Variants in CHP1 observed in about 807,000 individuals in gnomAD.
CHP1 encodes calcineurin like EF-hand protein 1.
A neutral mutation model predicts 27.4 loss-of-function variants in CHP1; 11 were observed. The observed-to-expected ratio is 0.40, with a 90% CI of 0.25 to 0.67. CHP1 has a LOEUF of 0.67. CHP1 is among the 30% of genes least tolerant of loss of function. The probability of loss-of-function intolerance (pLI) is 0.38; values close to 1 mark genes in which losing one functional copy is unlikely to be tolerated. For missense variants in CHP1, 169 were observed against 251.3 expected, an observed-to-expected ratio of 0.67 and a Z score of 2.22; for synonymous variants, 89 against 87.4, an observed-to-expected ratio of 1.02 and a Z score of -0.10.
intron 2 of CHP1, among the ~76,000 whole-genome samples, chr15:41,246,887 C>CA (rs1245122242): frequency 6.7e-5 from 10 of 149,296 alleles, no homozygotes; most frequent in African/African-American, 2.5e-4. Context: ...GACTCCATCT[C>CA]AAAAAATTAA....
At chr15:41,262,971 T>C (rs1395561293) in intron 4 of CHP1, 88 bp downstream of exon 4, 11 of 1,519,352 alleles carry the variant, frequency 7.2e-6, no homozygotes, top group African/African-American at 2.8e-5. Flanking sequence ...TGAACAAGCA[T>C]CTACAAGAGC....
In CHP1 at chr15:41,262,865, C is replaced by T. The variant is rs2047440626; in HGVS notation, c.331C>T (p.Arg111Ter). 1.9e-6 allele frequency: 3 copies of T among 1,613,960 alleles called. No individual in the cohort carries two copies. Among genetic ancestry groups the T allele is most frequent in the Non-Finnish European group, 2.5e-6 (3 of 1,179,966 alleles). The change falls in exon 4 of 7, where the codon CGA becomes TGA. Residue 111 changes from arginine to a stop codon, truncating the protein, a stop_gained. Coordinates refer to ENST00000334660, the MANE Select transcript of CHP1 (RefSeq NM_007236.5). LOFTEE classifies it high-confidence loss of function. Reference sequence around the variant, plus strand: ...GAATGGACCCGAACCACTCAACAGCCGAAGCAACAAACTGCACTGTAAGGA... The same window carrying T: ...GAATGGACCCGAACCACTCAACAGCTGAAGCAACAAACTGCACTGTAAGGA... ...DVNGPEPLNS[R>*]SNKLHFAFRL...
At chr15:41,241,583 A>G (rs990923534) in intron 1 of CHP1, among the ~76,000 whole-genome samples, 1 of 152,212 alleles carries the variant, frequency 6.6e-6, no homozygotes, top group Non-Finnish European at 1.5e-5. Flanking sequence ...AACAGTCCAC[A>G]ACTGTCTCCT....
intron 4 of CHP1, among the ~76,000 whole-genome samples, chr15:41,263,125 G>T (rs1474378443): frequency 2.6e-5 from 4 of 152,128 alleles, no homozygotes; most frequent in Non-Finnish European, 5.9e-5. Context: ...ATACTAAGGG[G>T]TTCCACATTG....
intron 4 of CHP1, among the ~76,000 whole-genome samples, chr15:41,263,252 C>G (rs900729314): frequency 6.6e-6 from 1 of 152,160 alleles, no homozygotes; most frequent in Non-Finnish European, 1.5e-5. Flanking sequence ...GAGCACCTAC[C>G]GTGTGCCAGG....
chr15:41,259,118 C>G (rs1409929940), intron 3 of CHP1, among the ~76,000 whole-genome samples: 1 of 151,988 alleles, frequency 6.6e-6, no homozygotes, highest in Non-Finnish European at 1.5e-5. Flanking sequence ...TTCCTTTTTT[C>G]TAATTCCTCT....
At chr15:41,233,489 AGT>A (rs968252549) in intron 1 of CHP1, among the ~76,000 whole-genome samples, 17 of 152,210 alleles carry the variant, frequency 1.1e-4, no homozygotes, top group Non-Finnish European at 1.9e-4. Flanking sequence ...ATTGCCAAAG[AGT>A]GAGTCACTTG....
chr15:41,249,988 G>C (rs1434694849), intron 2 of CHP1, among the ~76,000 whole-genome samples: 3 of 151,698 alleles, frequency 2.0e-5, no homozygotes, highest in African/African-American at 7.3e-5. Flanking sequence ...AACTGTGGAA[G>C]GCTTTGGTTA....
intron 5 of CHP1, 151 bp from the exon 6 acceptor site, chr15:41,278,616 C>T (rs2047531049): frequency 1.4e-5 from 12 of 830,408 alleles, no homozygotes; most frequent in Admixed American, 1.1e-4. Flanking sequence ...TATATGCAGT[C>T]GGTCATTAAC....
chr15:41,276,063 A>C (rs1438736968), intron 5 of CHP1, among the ~76,000 whole-genome samples: 1 of 152,074 alleles, frequency 6.6e-6, no homozygotes, highest in East Asian at 1.9e-4. Context: ...CAACATGGCA[A>C]AATCCCGTCT....
intron 2 of CHP1, among the ~76,000 whole-genome samples, chr15:41,245,046 G>T (rs1039838630): frequency 9.9e-5 from 15 of 152,156 alleles, no homozygotes; most frequent in African/African-American, 3.6e-4. Context: ...TAAGCATGGG[G>T]TTAAGCATAC....
At chr15:41,261,549 A>C (rs866628563) in intron 3 of CHP1, among the ~76,000 whole-genome samples, 11 of 151,992 alleles carry the variant, frequency 7.2e-5, no homozygotes, top group Middle Eastern at 3.2e-3. Flanking sequence ...TTTCAAATTT[A>C]TGTTTGCTTT....
intron 2 of CHP1, among the ~76,000 whole-genome samples, chr15:41,251,608 C>T (rs1435589950): frequency 1.3e-5 from 2 of 152,154 alleles, no homozygotes; most frequent in African/African-American, 4.8e-5. Context: ...ACTAGATTCT[C>T]ATAGGAACAG....
chr15:41,255,747 C>T (rs756277902), intron 2 of CHP1, among the ~76,000 whole-genome samples: 22 of 148,676 alleles, frequency 1.5e-4, no homozygotes, highest in Non-Finnish European at 3.1e-4. Context: ...CACCGTGGCT[C>T]ACTCCTGTAA....
chr15:41,256,843 T>G, intron 2 of CHP1, 67 bp from the exon 3 acceptor site: 1 of 1,321,644 alleles, frequency 7.6e-7, no homozygotes, highest in Non-Finnish European at 1.1e-6. Context: ...CCCTGTTACC[T>G]CCTGACTTAA....
intron 3 of CHP1, among the ~76,000 whole-genome samples, chr15:41,258,016 T>G (rs1567008246): frequency 6.6e-6 from 1 of 152,212 alleles, no homozygotes; most frequent in East Asian, 1.9e-4. Context: ...TTACTCTACA[T>G]ACCCTCTCTT....
intron 1 of CHP1, among the ~76,000 whole-genome samples, chr15:41,238,445 G>T (rs1056284446): frequency 6.6e-6 from 1 of 152,088 alleles, no homozygotes; most frequent in Non-Finnish European, 1.5e-5. Flanking sequence ...TTACAGGCAT[G>T]AGCCACTGCC....
chr15:41,246,812 G>A (rs975433132), intron 2 of CHP1, among the ~76,000 whole-genome samples: 2 of 150,950 alleles, frequency 1.3e-5, no homozygotes, highest in African/African-American at 2.4e-5. Flanking sequence ...GGCTGAGGTA[G>A]GAGAATCACT....
chr15:41,250,962 G>T (rs1232740634), intron 2 of CHP1, among the ~76,000 whole-genome samples: 2 of 151,910 alleles, frequency 1.3e-5, no homozygotes, highest in Non-Finnish European at 2.9e-5. Flanking sequence ...AGCCTCCAGA[G>T]TAGCTGCAAT....
Sources: allele counts gnomAD v4.1 joint callset (sites outside exome capture counted in the v4.1 genomes callset), GRCh38; gene constraint gnomAD v4.1.1; transcripts MANE v1.5; gene names NCBI Gene and HGNC (gene_info 2026-07-23, HGNC 2026-07-21).